REDIC1: variants seen among roughly 807,000 people sequenced by gnomAD.
The protein encoded by REDIC1 is regulator of DNA class I crossover intermediates 1, also known as HEI10 Interacting Protein 1.
chr12:39,715,655 C>T, the REDIC1 span, among the ~76,000 whole-genome samples: 1 of 151,950 alleles, frequency 6.6e-6, no homozygotes, highest in Non-Finnish European at 1.5e-5. Context: ...CTGGACACAT[C>T]ACACTACCTG....
chr12:39,637,373 G>T, the REDIC1 span, among the ~76,000 whole-genome samples: 1 of 151,880 alleles, frequency 6.6e-6, no homozygotes, highest in Non-Finnish European at 1.5e-5. Context: ...CCAGAATAAC[G>T]TAGTAATTAC....
chr12:39,839,364 T>TA, the REDIC1 span, among the ~76,000 whole-genome samples: 949 of 151,408 alleles, frequency 6.3e-3, 11 homozygotes, highest in African/African-American at 0.022. Flanking sequence ...CTCATGAGAA[T>TA]AAAAAAAAAT....
At chr12:39,772,930 A>G in the REDIC1 span, among the ~76,000 whole-genome samples, 3 of 152,242 alleles carry the variant, frequency 2.0e-5, no homozygotes, top group African/African-American at 7.2e-5. Flanking sequence ...GCAGAGTTAC[A>G]TACTCAGCAA....
At chr12:39,722,654 A>C in the REDIC1 span, among the ~76,000 whole-genome samples, 3 of 152,186 alleles carry the variant, frequency 2.0e-5, no homozygotes, top group African/African-American at 7.2e-5. Flanking sequence ...ATTAATTATG[A>C]AAGTACACAC....
the REDIC1 span, among the ~76,000 whole-genome samples, chr12:39,729,725 T>C: frequency 6.6e-6 from 1 of 152,224 alleles, no homozygotes; most frequent in African/African-American, 2.4e-5. Flanking sequence ...GTTAATTTTC[T>C]GTCTTGTTGA....
At chr12:39,633,824 T>C in the REDIC1 span, among the ~76,000 whole-genome samples, 1 of 152,232 alleles carries the variant, frequency 6.6e-6, no homozygotes, top group Admixed American at 6.5e-5. Context: ...CCTTGAAACT[T>C]AACTGTAAGC....
the REDIC1 span, among the ~76,000 whole-genome samples, chr12:39,703,868 G>A: frequency 3.9e-5 from 6 of 152,276 alleles, no homozygotes; most frequent in African/African-American, 1.4e-4. Context: ...AAACTGGCTA[G>A]CCATATGTAG....
At chr12:39,707,376 T>C in the REDIC1 span, among the ~76,000 whole-genome samples, 12 of 152,006 alleles carry the variant, frequency 7.9e-5, no homozygotes, top group South Asian at 2.1e-3. Flanking sequence ...CTGATGAGGA[T>C]ATGGAGAAAG....
At chr12:39,712,952 T>C in the REDIC1 span, among the ~76,000 whole-genome samples, 11 of 145,056 alleles carry the variant, frequency 7.6e-5, no homozygotes, top group African/African-American at 2.3e-4. Flanking sequence ...TGTATATACA[T>C]ATATGCATAT....
the REDIC1 span, among the ~76,000 whole-genome samples, chr12:39,750,172 T>A: frequency 2.0e-5 from 3 of 152,188 alleles, no homozygotes. Context: ...GAAAAACCCA[T>A]TGTCTCAGCC....
chr12:39,795,434 T>C, the REDIC1 span, among the ~76,000 whole-genome samples: 13 of 152,218 alleles, frequency 8.5e-5, no homozygotes, highest in Non-Finnish European at 1.6e-4. Flanking sequence ...TTTTTAAATA[T>C]CTTAAACACA....
chr12:39,756,354 T>C, the REDIC1 span: 4 of 151,918 alleles, frequency 2.6e-5, no homozygotes, highest in African/African-American at 4.8e-5. Flanking sequence ...AATTAAAAAC[T>C]TGTCACAACA....
chr12:39,714,769 G>A, the REDIC1 span, among the ~76,000 whole-genome samples: 21 of 151,842 alleles, frequency 1.4e-4, no homozygotes, highest in Non-Finnish European at 2.9e-4. Flanking sequence ...GCAGGAGTAA[G>A]GTGGTATCAC....
At chr12:39,713,361 C>CGTGTATATAT in the REDIC1 span, among the ~76,000 whole-genome samples, 69 of 136,628 alleles carry the variant, frequency 5.1e-4, 1 homozygote, top group Admixed American at 8.7e-4. Flanking sequence ...TACACATATA[C>CGTGTATATAT]GTGTATACAC....
At chr12:39,899,972 C>T in the REDIC1 span, among the ~76,000 whole-genome samples, 1 of 152,104 alleles carries the variant, frequency 6.6e-6, no homozygotes, top group African/African-American at 2.4e-5. Flanking sequence ...TCCAGCAGCA[C>T]ATCAAAAAGC....
chr12:39,636,875 G>T, the REDIC1 span, among the ~76,000 whole-genome samples: 1 of 151,956 alleles, frequency 6.6e-6, no homozygotes, highest in African/African-American at 2.4e-5. Flanking sequence ...GTACATGTTA[G>T]TGTTTTTTTA....
chr12:39,801,339 T>A, the REDIC1 span, among the ~76,000 whole-genome samples: 1 of 126,860 alleles, frequency 7.9e-6, no homozygotes, highest in Non-Finnish European at 1.7e-5. Context: ...ATGAGGAAAT[T>A]AAAAAAAAAA....
chr12:39,666,278 G>A, the REDIC1 span, among the ~76,000 whole-genome samples: 1 of 152,124 alleles, frequency 6.6e-6, no homozygotes, highest in Non-Finnish European at 1.5e-5. Flanking sequence ...AGCATGAAGG[G>A]TTGTTGAATT....
chr12:39,729,809 T>C, the REDIC1 span, among the ~76,000 whole-genome samples: 1 of 152,158 alleles, frequency 6.6e-6, no homozygotes, highest in Non-Finnish European at 1.5e-5. Flanking sequence ...TCTTTGTAGA[T>C]CTCTAAGAAC....
Sources: gnomAD v4.1 joint callset for allele counts (sites outside exome capture counted in the v4.1 genomes callset) on GRCh38, gnomAD v4.1.1 for gene constraint, MANE v1.5 for transcripts, NCBI Gene and HGNC (gene_info 2026-07-23, HGNC 2026-07-21) for gene names.